The following CYRIB variants were observed in gnomAD, a reference collection of about 807,000 sequenced individuals.
CYRIB encodes the protein CYFIP-related Rac1 interactor B.
CYRIB carries 8 observed loss-of-function variants against 44.2 expected under a neutral mutation model. The observed-to-expected ratio is 0.18, with a 90% CI of 0.11 to 0.33. The LOEUF (loss-of-function observed/expected upper bound fraction) is 0.33. Ranked by LOEUF, CYRIB falls within the 10% of genes least tolerant of loss-of-function variation. The probability of loss-of-function intolerance (pLI) is 1.00; values close to 1 mark genes in which losing one functional copy is unlikely to be tolerated. For synonymous variants in CYRIB, 131 were observed against 127.2 expected (o/e 1.03, Z -0.20); for missense variants, 185 against 382.8 (o/e 0.48, Z 4.31).
At chr8:129,845,547 G>GT (rs1201956323) in intron 11 of CYRIB, among the ~76,000 whole-genome samples, 7 of 152,202 alleles carry the variant, frequency 4.6e-5, no homozygotes, top group Non-Finnish European at 1.0e-4. Context: ...TGTTCATTTA[G>GT]AATAGATCAC....
chr8:129,925,850 C>T (rs1370546992), intron 1 of CYRIB, among the ~76,000 whole-genome samples: 1 of 152,154 alleles, frequency 6.6e-6, no homozygotes, highest in African/African-American at 2.4e-5. Context: ...GGAGTACTCC[C>T]CATCCCTCCA....
At chr8:129,973,983 T>C (rs2095818223) in intron 1 of CYRIB, among the ~76,000 whole-genome samples, 1 of 152,124 alleles carries the variant, frequency 6.6e-6, no homozygotes, top group African/African-American at 2.4e-5. Context: ...GTTTTGGTCA[T>C]CCTGGTGTCC....
chr8:129,912,839 AT>A (rs2078736513), intron 1 of CYRIB, among the ~76,000 whole-genome samples: 2 of 152,094 alleles, frequency 1.3e-5, no homozygotes, highest in Admixed American at 1.3e-4. Flanking sequence ...TCTGTGTGTC[AT>A]GTTTACGGTG....
intron 2 of CYRIB, among the ~76,000 whole-genome samples, chr8:129,895,094 T>C (rs1207213299): frequency 2.6e-5 from 3 of 113,448 alleles, no homozygotes; most frequent in Non-Finnish European, 5.2e-5. Flanking sequence ...CGTGTCATCA[T>C]GCTAGTGTGT....
At chr8:129,971,299 G>A (rs2095681422) in intron 1 of CYRIB, among the ~76,000 whole-genome samples, 1 of 152,024 alleles carries the variant, frequency 6.6e-6, no homozygotes, top group Non-Finnish European at 1.5e-5. Context: ...CATCATGTTG[G>A]CCAGGCTGGT....
At chr8:129,984,734 A>G (rs2096385746) in intron 1 of CYRIB, among the ~76,000 whole-genome samples, 1 of 152,102 alleles carries the variant, frequency 6.6e-6, no homozygotes, top group African/African-American at 2.4e-5. Context: ...TGGGTCCTCT[A>G]GGAATGCCCT....
chr8:129,849,865 G>T (rs1409182273), intron 9 of CYRIB: 1 of 152,622 alleles, frequency 6.6e-6, no homozygotes. Flanking sequence ...GAGCAAGCAG[G>T]TTTGCTATTT....
At chr8:129,955,143 C>T (rs1309747914) in intron 2 of CYRIB, among the ~76,000 whole-genome samples, 1 of 151,188 alleles carries the variant, frequency 6.6e-6, no homozygotes, top group Non-Finnish European at 1.5e-5. Flanking sequence ...GTCCCAGCTA[C>T]TTGGGAGGCT....
At chr8:129,909,227 C>T (rs917080571) in intron 1 of CYRIB, among the ~76,000 whole-genome samples, 2 of 152,218 alleles carry the variant, frequency 1.3e-5, no homozygotes, top group African/African-American at 4.8e-5. Flanking sequence ...TAGGTAATGC[C>T]AGGCTTTCAG....
intron 4 of CYRIB, among the ~76,000 whole-genome samples, chr8:129,870,982 A>C (rs1484349375): frequency 1.3e-5 from 2 of 152,188 alleles, no homozygotes; most frequent in Non-Finnish European, 2.9e-5. Flanking sequence ...GCAAACCTGA[A>C]AAAGTTCAGC....
chr8:130,011,316 T>A (rs1352701407), intron 1 of CYRIB, among the ~76,000 whole-genome samples: 19 of 150,522 alleles, frequency 1.3e-4, no homozygotes, highest in Middle Eastern at 3.4e-3. Flanking sequence ...AGGTCAGGAG[T>A]TCGAGACCGG....
chr8:130,013,319 T>C (rs1187119027), intron 1 of CYRIB, among the ~76,000 whole-genome samples: 3 of 152,190 alleles, frequency 2.0e-5, no homozygotes, highest in Non-Finnish European at 4.4e-5. Flanking sequence ...CTTGGTTCCA[T>C]GCACACGAGC....
chr8:129,991,971 A>AAAAAAAAAAAAAAAAAAAGAGAGAG (rs994697259), intron 1 of CYRIB, among the ~76,000 whole-genome samples: 1 of 134,604 alleles, frequency 7.4e-6, no homozygotes, highest in Non-Finnish European at 1.6e-5. Flanking sequence ...AAAAAAAAAA[A>AAAAAAAAAAAAAAAAAAAGAGAGAG]ACAATAGGAA....
intron 2 of CYRIB, among the ~76,000 whole-genome samples, chr8:129,887,940 T>C (rs1460894147): frequency 6.6e-6 from 1 of 152,212 alleles, no homozygotes; most frequent in Non-Finnish European, 1.5e-5. Context: ...CAGGTGAGAC[T>C]TTGGACTGTG....
intron 2 of CYRIB, among the ~76,000 whole-genome samples, chr8:129,897,925 C>T (rs922611448): frequency 8.6e-5 from 13 of 151,944 alleles, no homozygotes; most frequent in Non-Finnish European, 4.4e-5. Flanking sequence ...GCCAATACGC[C>T]CGGCTGATTT....
At chr8:129,851,459 G>C (rs1479926230) in intron 8 of CYRIB, 1 of 153,624 alleles carries the variant, frequency 6.5e-6, no homozygotes, top group Non-Finnish European at 1.4e-5. Flanking sequence ...ATTTTGGAGG[G>C]AAAGCCAATG....
chr8:129,944,732 A>G (rs1020886272), upstream of CYRIB, among the ~76,000 whole-genome samples: 1 of 151,978 alleles, frequency 6.6e-6, no homozygotes, highest in Non-Finnish European at 1.5e-5. Context: ...GCAGTGAGCC[A>G]ATATCCCACC....
At chr8:129,977,567 T>C (rs954181262) in intron 1 of CYRIB, among the ~76,000 whole-genome samples, 11 of 152,008 alleles carry the variant, frequency 7.2e-5, no homozygotes, top group Non-Finnish European at 1.5e-4. Context: ...GGTCTCGCTC[T>C]GTCACCCAGG....
chr8:129,930,047 C>T lies in CYRIB; in HGVS notation c.-50+9561G>A, dbSNP rs186776833. Among the ~76,000 whole-genome samples, 461 of 151,980 alleles carry T rather than the reference C, an allele frequency of 3.0e-3. 1 individual carries two copies. Among genetic ancestry groups the T allele is most frequent in the Non-Finnish European group, 5.4e-3 (367 of 67,970 alleles). The stretch of plus-strand genomic sequence containing the variant: ...CCAACATGGTGAAACCCCATCTCTA[C>T]TAAAAATACAAAAATTCGCCGGGCG... On this transcript the variant is annotated intron_variant, in intron 1 of 11. Transcript: ENST00000519824.
Sources: gnomAD v4.1 joint callset for allele counts (sites outside exome capture counted in the v4.1 genomes callset) on GRCh38, gnomAD v4.1.1 for gene constraint, MANE v1.5 for transcripts, NCBI Gene and HGNC (gene_info 2026-07-23, HGNC 2026-07-21) for gene names.